Variants in EEFSEC observed in about 807,000 individuals in gnomAD.
EEFSEC encodes the protein selenocysteine-specific elongation factor.
EEFSEC carries 43 observed loss-of-function variants against 42.1 expected under a neutral mutation model. The ratio of observed to expected loss-of-function variants is 1.02; its 90% confidence interval spans 0.80 to 1.32. The LOEUF (loss-of-function observed/expected upper bound fraction) is 1.32, where lower values mean the gene tolerates loss of function less well. Among genes scored for constraint, EEFSEC ranks in the 40% most tolerant of loss-of-function variants. The pLI, the probability that EEFSEC is intolerant of heterozygous loss-of-function variation, is 0.00. For synonymous variants in EEFSEC, 354 were observed against 339.1 expected (o/e 1.04, Z -0.48); for missense variants, 745 against 803.6 (o/e 0.93, Z 0.88).
chr3:128,194,409 G>A (rs1206563658), intron 1 of EEFSEC, among the ~76,000 whole-genome samples: 1 of 152,208 alleles, frequency 6.6e-6, no homozygotes, highest in Admixed American at 6.5e-5. Flanking sequence ...GCAGGGTGCA[G>A]CAGTGGCTGG....
At position 128,388,507 on chromosome 3, in the gene EEFSEC, C is replaced by T. The variant is rs771565468; in HGVS notation, c.1601-19562C>T. 1.1e-4 allele frequency among the ~76,000 whole-genome samples: 16 copies of T among 152,244 alleles called. 1 individual carries two copies. Among genetic ancestry groups the T allele is most frequent in the South Asian group, 4.1e-4 (2 of 4,836 alleles). ...GCCGTTTAGGTGGGGTCTGAGCCCC[C>T]GGCTGCCTGTGACATGTCTGCCCAG... On this transcript the variant is annotated intron_variant, in intron 6 of 6. Transcript: ENST00000254730.
At chr3:128,330,683 G>A (rs115618191) in intron 4 of EEFSEC, among the ~76,000 whole-genome samples, 2,194 of 152,024 alleles carry the variant, frequency 0.014, 51 homozygotes, top group African/African-American at 0.049. Context: ...CCTTACTGAC[G>A]CTTGGGAATC....
At chr3:128,267,871 GAGACCCTCA>G (rs2066371714) in intron 4 of EEFSEC, among the ~76,000 whole-genome samples, 1 of 152,208 alleles carries the variant, frequency 6.6e-6, no homozygotes, top group African/African-American at 2.4e-5. Context: ...ATGTATATAA[GAGACCCTCA>G]AGGGTTTTGA....
Position 128,153,837 on chromosome 3 carries a change from G to T in EEFSEC, c.316+14G>T, listed in dbSNP as rs747378694. On this transcript the variant is annotated intron_variant, in intron 1 of 6. Transcript: ENST00000254730. ...CCATCATCGGCGGTGAGCGCGGGCCGGGGCGGGAGCCGGGCTCAGGGACGC... is the reference window on the plus strand; with the variant it reads ...CCATCATCGGCGGTGAGCGCGGGCCTGGGCGGGAGCCGGGCTCAGGGACGC... 8.6e-5 allele frequency: 129 copies of T among 1,498,854 alleles called. No individual in the cohort carries two copies. Among genetic ancestry groups the T allele is most frequent in the Non-Finnish European group, 1.1e-4 (127 of 1,131,704 alleles). 92.8% of individuals were successfully genotyped at this position (1,498,854 alleles called of 1,614,324 possible).
At chr3:128,362,689 C>G (rs1475766749) in intron 6 of EEFSEC, among the ~76,000 whole-genome samples, 1 of 152,236 alleles carries the variant, frequency 6.6e-6, no homozygotes, top group Non-Finnish European at 1.5e-5. Context: ...GTCACTGATT[C>G]TCACCAGGTA....
At position 128,242,244 on chromosome 3, in the gene EEFSEC, A is replaced by C. The variant is rs561654020; in HGVS notation, c.317-4592A>C. Among the ~76,000 whole-genome samples, 307 of 152,236 alleles carry C rather than the reference A, an allele frequency of 2.0e-3. 5 individuals carry two copies. Among genetic ancestry groups the C allele is most frequent in the African/African-American group, 6.8e-3 (284 of 41,528 alleles). ...TAGGACAGGAGGATCGTTTGAGCCC[A>C]GGAATTCAAGGCTGCAGTGAGCTAT... is the stretch of plus-strand genomic sequence containing the variant. On this transcript the variant is annotated intron_variant, in intron 1 of 6. Transcript: ENST00000254730.
intron 4 of EEFSEC, 22 bp from the exon 5 acceptor site, chr3:128,341,211 T>G: frequency 6.3e-7 from 1 of 1,575,592 alleles, no homozygotes; most frequent in Non-Finnish European, 8.6e-7. Context: ...TTTCATGTGC[T>G]CTCTTGCTTA....
chr3:128,156,010 A>G (rs1179763773), intron 1 of EEFSEC, among the ~76,000 whole-genome samples: 1 of 152,228 alleles, frequency 6.6e-6, no homozygotes, highest in Non-Finnish European at 1.5e-5. Context: ...ATTTTAGAAC[A>G]TGGACTCTGA....
chr3:128,228,575 G>C (rs77139069), intron 1 of EEFSEC, among the ~76,000 whole-genome samples: 1 of 151,986 alleles, frequency 6.6e-6, no homozygotes, highest in African/African-American at 2.4e-5. Context: ...GGAGGGTCAG[G>C]GTTGGGGAGT....
intron 4 of EEFSEC, among the ~76,000 whole-genome samples, chr3:128,271,120 A>G (rs747421142): frequency 1.3e-5 from 2 of 152,198 alleles, no homozygotes; most frequent in Non-Finnish European, 2.9e-5. Context: ...AGTCACTGCC[A>G]CCCTGGGGCC....
At chr3:128,226,047 G>C (rs1211394203) in intron 1 of EEFSEC, among the ~76,000 whole-genome samples, 88 of 152,216 alleles carry the variant, frequency 5.8e-4, no homozygotes, top group Non-Finnish European at 2.9e-5. Flanking sequence ...GCCCCAATAA[G>C]AATCGGGGCA....
chr3:128,426,066 T>C, the EEFSEC span, among the ~76,000 whole-genome samples: 3 of 152,168 alleles, frequency 2.0e-5, no homozygotes, highest in African/African-American at 7.2e-5. Flanking sequence ...CTCACAGCAG[T>C]CCTACGCAGG....
chr3:128,264,365 A>C (rs2107932750), intron 3 of EEFSEC, among the ~76,000 whole-genome samples: 1 of 152,312 alleles, frequency 6.6e-6, no homozygotes, highest in African/African-American at 2.4e-5. Context: ...GAGAAGACAG[A>C]CGAGGCTTCT....
intron 1 of EEFSEC, among the ~76,000 whole-genome samples, chr3:128,154,320 T>C (rs1490789272): frequency 1.3e-5 from 2 of 152,148 alleles, no homozygotes; most frequent in South Asian, 2.1e-4. Context: ...CTTTCCCTCA[T>C]CCTTTTAGAC....
At chr3:128,244,804 T>C (rs2066110209) in intron 1 of EEFSEC, among the ~76,000 whole-genome samples, 1 of 152,132 alleles carries the variant, frequency 6.6e-6, no homozygotes, top group Admixed American at 6.5e-5. Flanking sequence ...GTATACCTTA[T>C]CCCCTTTTCA....
chr3:128,334,291 C>T (rs1051039904), intron 4 of EEFSEC, among the ~76,000 whole-genome samples: 2 of 152,228 alleles, frequency 1.3e-5, no homozygotes, highest in Non-Finnish European at 2.9e-5. Flanking sequence ...TTGAGTCTTC[C>T]CTCTCTGCTT....
intron 4 of EEFSEC, among the ~76,000 whole-genome samples, chr3:128,296,062 G>A (rs993363372): frequency 6.6e-6 from 1 of 152,176 alleles, no homozygotes; most frequent in African/African-American, 2.4e-5. Flanking sequence ...AGAGATGGAA[G>A]GATAGAGAGT....
chr3:128,166,997 A>T (rs1475445675), intron 1 of EEFSEC, among the ~76,000 whole-genome samples: 2 of 152,162 alleles, frequency 1.3e-5, no homozygotes. Flanking sequence ...ATAAAGGCTT[A>T]ACTAAGTCTT....
At chr3:128,160,806 G>GCACA (rs148477795) in intron 1 of EEFSEC, among the ~76,000 whole-genome samples, 7 of 149,682 alleles carry the variant, frequency 4.7e-5, no homozygotes, top group South Asian at 2.1e-4. Flanking sequence ...ACACACGCGC[G>GCACA]CACACACACA....
Sources: gnomAD v4.1 joint callset for allele counts (sites outside exome capture counted in the v4.1 genomes callset) on GRCh38, gnomAD v4.1.1 for gene constraint, MANE v1.5 for transcripts, NCBI Gene and HGNC (gene_info 2026-07-23, HGNC 2026-07-21) for gene names.